Variants in FANK1 observed in about 807,000 individuals in gnomAD.
FANK1 encodes the protein fibronectin type III and ankyrin repeat domains 1, also known as fibronectin type 3 and ankyrin repeat domains protein 1.
In FANK1, 44 loss-of-function variants were observed where a neutral mutation model predicts 45.3. That is an observed-to-expected ratio of 0.97 (90% CI 0.76 to 1.25). The LOEUF (loss-of-function observed/expected upper bound fraction) is 1.25, where lower values mean the gene tolerates loss of function less well. Among genes scored for constraint, FANK1 ranks in the 50% most tolerant of loss-of-function variants. The pLI is 0.00. For synonymous variants in FANK1, 149 were observed against 152.5 expected, an observed-to-expected ratio of 0.98 and a Z score of 0.17; for missense variants, 391 against 424.4, an observed-to-expected ratio of 0.92 and a Z score of 0.69.
chr10:125,998,170 A>G (rs1952485702), intron 6 of FANK1, among the ~76,000 whole-genome samples: 1 of 152,242 alleles, frequency 6.6e-6, no homozygotes, highest in African/African-American at 2.4e-5. Context: ...ACACTGAGCA[A>G]AATGCCAGGC....
intron 1 of FANK1, among the ~76,000 whole-genome samples, chr10:125,947,759 T>G (rs1013513275): frequency 1.4e-5 from 2 of 138,268 alleles, no homozygotes; most frequent in African/African-American, 5.2e-5. Flanking sequence ...CTGCACCAAG[T>G]GGACCTAATA....
intron 1 of FANK1, among the ~76,000 whole-genome samples, chr10:125,920,859 G>A (rs1221661273): frequency 6.6e-6 from 1 of 152,192 alleles, no homozygotes; most frequent in African/African-American, 2.4e-5. Flanking sequence ...AACAAATTTG[G>A]GAGATACCTA....
intron 1 of FANK1, chr10:125,973,525 C>A: frequency 1.1e-6 from 1 of 897,464 alleles, no homozygotes; most frequent in Non-Finnish European, 1.3e-6. Flanking sequence ...GTTCCTTCTT[C>A]CACATGTATC....
intron 1 of FANK1, chr10:125,973,319 G>C (rs1187582358): frequency 2.3e-6 from 1 of 440,868 alleles, no homozygotes; most frequent in East Asian, 1.6e-4. Flanking sequence ...GTTGGCTTCT[G>C]GTTATTTTGG....
At chr10:125,908,398 T>C (rs1349204148) in intron 1 of FANK1, among the ~76,000 whole-genome samples, 1 of 152,192 alleles carries the variant, frequency 6.6e-6, no homozygotes, top group Non-Finnish European at 1.5e-5. Context: ...GTGGTATATA[T>C]GTACCATGGA....
At chr10:125,923,635 C>T (rs112190173) in intron 1 of FANK1, among the ~76,000 whole-genome samples, 1 of 151,962 alleles carries the variant, frequency 6.6e-6, no homozygotes, top group Admixed American at 6.5e-5. Flanking sequence ...TCAAGCCACC[C>T]TCTTGCTTCA....
intron 1 of FANK1, among the ~76,000 whole-genome samples, chr10:125,920,246 A>AT (rs1297389212): frequency 3.3e-5 from 5 of 151,936 alleles, no homozygotes; most frequent in Admixed American, 2.6e-4. Context: ...TGTTGCTTTT[A>AT]TTTTTTTTCT....
At chr10:125,897,150 G>T (rs1427247838) in intron 1 of FANK1, among the ~76,000 whole-genome samples, 3 of 150,386 alleles carry the variant, frequency 2.0e-5, no homozygotes, top group Non-Finnish European at 2.9e-5. Context: ...TCTGCGACTT[G>T]AAGGAGAGAG....
At chr10:126,000,635 G>T (rs1460587825) in intron 6 of FANK1, among the ~76,000 whole-genome samples, 1 of 152,038 alleles carries the variant, frequency 6.6e-6, no homozygotes, top group Non-Finnish European at 1.5e-5. Flanking sequence ...AAACACAGAG[G>T]CATAATTATT....
chr10:125,929,113 G>A (rs181125594), intron 1 of FANK1, among the ~76,000 whole-genome samples: 10 of 152,310 alleles, frequency 6.6e-5, no homozygotes, highest in African/African-American at 2.2e-4. Flanking sequence ...AGGAGTCCAC[G>A]AAATATGAGA....
chr10:125,975,445 AAAT>A, intron 1 of FANK1, among the ~76,000 whole-genome samples: 1 of 152,200 alleles, frequency 6.6e-6, no homozygotes, highest in African/African-American at 2.4e-5. Context: ...ATCGTTGAAC[AAAT>A]TTATCCCACC....
At chr10:125,912,483 TG>T (rs1946102692) in intron 1 of FANK1, among the ~76,000 whole-genome samples, 1 of 149,174 alleles carries the variant, frequency 6.7e-6, no homozygotes, top group South Asian at 2.1e-4. Context: ...TGTGTGTGTG[TG>T]TGTTTTTGAG....
rs867070432 is a variant in FANK1, at chr10:126,009,502, G to A, written c.*64G>A. ...AGTGAACCGTGACTGTTAAACTAGG[G>A]ATGGGAAATTCTGCATCTTGGGGGG... On this transcript the variant is annotated 3_prime_UTR_variant, in exon 11 of 11. Coordinates refer to ENST00000368693, the MANE Select transcript of FANK1 (RefSeq NM_145235.5). The A allele has an allele frequency of 6.4e-7, 1 of 1,558,400 alleles. No individual in the cohort carries two copies. Among genetic ancestry groups the A allele is most frequent in the African/African-American group, 1.4e-5 (1 of 73,102 alleles).
chr10:125,909,686 CTTTTTTT>C (rs34854157), intron 1 of FANK1, among the ~76,000 whole-genome samples: 6 of 103,268 alleles, frequency 5.8e-5, no homozygotes, highest in East Asian at 2.9e-4. Context: ...GACCAATTAA[CTTTTTTT>C]TTTTTTTTTT....
chr10:125,977,389 T>A (rs984040112), intron 1 of FANK1, among the ~76,000 whole-genome samples: 4 of 152,196 alleles, frequency 2.6e-5, no homozygotes, highest in Non-Finnish European at 5.9e-5. Context: ...CTTTGGGGTG[T>A]GATCCAGTAG....
chr10:125,998,200 G>A (rs975853292), intron 6 of FANK1, among the ~76,000 whole-genome samples: 2 of 152,218 alleles, frequency 1.3e-5, no homozygotes, highest in African/African-American at 4.8e-5. Context: ...AGGGGCTGTG[G>A]TCACAACACA....
At chr10:125,917,384 C>CTCAT (rs1463548752) in intron 1 of FANK1, among the ~76,000 whole-genome samples, 1 of 152,186 alleles carries the variant, frequency 6.6e-6, no homozygotes, top group African/African-American at 2.4e-5. Context: ...AGTGGGAGCT[C>CTCAT]TCATTCTGTT....
At chr10:125,932,563 C>T (rs1015881838) in intron 1 of FANK1, among the ~76,000 whole-genome samples, 4 of 152,110 alleles carry the variant, frequency 2.6e-5, no homozygotes, top group Admixed American at 2.6e-4. Flanking sequence ...GTACATTAAT[C>T]TTGCATCGGA....
At chr10:125,939,492 C>G (rs1355572900) in intron 1 of FANK1, among the ~76,000 whole-genome samples, 2 of 152,134 alleles carry the variant, frequency 1.3e-5, no homozygotes, top group African/African-American at 4.8e-5. Flanking sequence ...CAGAATAAAG[C>G]AAATGTGGCA....
Sources: gnomAD v4.1 joint callset for allele counts (sites outside exome capture counted in the v4.1 genomes callset) on GRCh38, gnomAD v4.1.1 for gene constraint, MANE v1.5 for transcripts, NCBI Gene and HGNC (gene_info 2026-07-23, HGNC 2026-07-21) for gene names.